The following DISC1 variants were observed in gnomAD, a reference collection of about 807,000 sequenced individuals.
DISC1 encodes the protein disrupted in schizophrenia 1 protein.
A neutral mutation model predicts 84.5 loss-of-function variants in DISC1; 57 were observed. The observed-to-expected ratio is 0.67, with a 90% CI of 0.55 to 0.84. The LOEUF (loss-of-function observed/expected upper bound fraction) is 0.84, where lower values mean the gene tolerates loss of function less well. Among genes scored for constraint, DISC1 ranks in the 40% least tolerant of loss-of-function variants. The probability of loss-of-function intolerance (pLI) is 0.00; values close to 1 mark genes in which losing one functional copy is unlikely to be tolerated. For missense variants in DISC1, 1,000 were observed against 1,057.8 expected, an observed-to-expected ratio of 0.95 and a Z score of 0.76; for synonymous variants, 411 against 415.2, an observed-to-expected ratio of 0.99 and a Z score of 0.12.
intron 12 of DISC1, among the ~76,000 whole-genome samples, chr1:232,028,439 C>T (rs754612192): frequency 6.6e-6 from 1 of 152,034 alleles, no homozygotes; most frequent in Non-Finnish European, 1.5e-5. Context: ...GCTGGGGAGG[C>T]AGCTCTAGTA....
chr1:231,979,432 G>A (rs114790377), intron 10 of DISC1, among the ~76,000 whole-genome samples: 19 of 151,766 alleles, frequency 1.3e-4, no homozygotes, highest in South Asian at 2.1e-4. Flanking sequence ...ATCATTAGTC[G>A]AATCTAGAAA....
chr1:231,868,651 A>T (rs896923569), intron 9 of DISC1, among the ~76,000 whole-genome samples: 13 of 147,870 alleles, frequency 8.8e-5, no homozygotes, highest in African/African-American at 2.7e-4. Flanking sequence ...TGAGGCTAGG[A>T]GTTCAAGACC....
At chr1:231,860,396 A>ATCCAAAC (rs1341930938) in intron 9 of DISC1, among the ~76,000 whole-genome samples, 1 of 152,138 alleles carries the variant, frequency 6.6e-6, no homozygotes, top group Non-Finnish European at 1.5e-5. Context: ...AAAATCCAAA[A>ATCCAAAC]TCCAAAATCC....
At chr1:232,023,214 C>A (rs1221728364) in intron 11 of DISC1, among the ~76,000 whole-genome samples, 2 of 152,050 alleles carry the variant, frequency 1.3e-5, no homozygotes, top group Non-Finnish European at 2.9e-5. Context: ...GATGCTTTGC[C>A]TATTTGAGTT....
rs147985327 is a variant in DISC1 at position 231,687,210 on chromosome 1, C to T, written c.68-6616C>T. ...ATTTTTGGGTATCTTTTCAGGAATG[C>T]CCCACTCTACTGGTACCAATTTACT... On this transcript the variant is annotated intron_variant, in intron 1 of 12. Coordinates refer to ENST00000439617, the MANE Select transcript of DISC1 (RefSeq NM_018662.3). Among the ~76,000 whole-genome samples, 399 of 152,288 alleles carry T rather than the reference C, an allele frequency of 2.6e-3. 3 individuals carry two copies. The highest frequency in any genetic ancestry group is 8.7e-3 in the African/African-American group (361 of 41,550).
chr1:232,035,872 C>T (rs1322750986), intron 12 of DISC1, among the ~76,000 whole-genome samples: 8 of 152,140 alleles, frequency 5.3e-5, no homozygotes, highest in African/African-American at 1.2e-4. Context: ...GACGAGAACC[C>T]GTTTCTTAAG....
intron 1 of DISC1, among the ~76,000 whole-genome samples, chr1:231,632,854 T>A (rs928227525): frequency 6.6e-6 from 1 of 152,172 alleles, no homozygotes; most frequent in Non-Finnish European, 1.5e-5. Flanking sequence ...GCAGATGACC[T>A]GAGGTCAGGA....
At chr1:231,874,006 C>T (rs1284512342) in intron 9 of DISC1, among the ~76,000 whole-genome samples, 3 of 151,922 alleles carry the variant, frequency 2.0e-5, no homozygotes, top group African/African-American at 7.3e-5. Context: ...CACCACCACG[C>T]CCAGCTATTT....
rs1339126092 is a variant in DISC1 at position 232,009,453 on chromosome 1, GA to G, written c.2307+405del. On this transcript the variant is annotated intron_variant, in intron 11 of 12. Coordinates refer to ENST00000439617, the MANE Select transcript of DISC1 (RefSeq NM_018662.3). The surrounding 1 kb of genome is among the most constrained non-coding windows in gnomAD (Gnocchi z 4.6). Reference sequence around the variant, plus strand: ...ACATTATGTATTGTATGTCATATATGATGTTTATATATTTAGAATCTATATA... The same window carrying G: ...ACATTATGTATTGTATGTCATATATGTGTTTATATATTTAGAATCTATATA... 1.9e-5 allele frequency: 10 copies of G among 524,544 alleles called. No individual in the cohort carries two copies. In the African/African-American group the frequency reaches 1.9e-4, roughly 10 times the overall value. 32.5% of individuals were successfully genotyped at this position (524,544 alleles called of 1,614,324 possible).
rs12123791 is a variant in DISC1 at position 231,715,620 on chromosome 1, C to G, written c.1117+13596C>G. On this transcript the variant is annotated intron_variant, in intron 3 of 12. Coordinates refer to ENST00000439617, the MANE Select transcript of DISC1 (RefSeq NM_018662.3). Reference sequence around the variant, plus strand: ...ATATATACTCTGGGACTGATTGGACCACATTTTCTCACTGAATTGACTGAT... The same window carrying G: ...ATATATACTCTGGGACTGATTGGACGACATTTTCTCACTGAATTGACTGAT... Among the ~76,000 whole-genome samples, 286 of 152,266 alleles carry G rather than the reference C, an allele frequency of 1.9e-3. 3 individuals are homozygous for G. The highest frequency in any genetic ancestry group is 1.4e-3 in the Non-Finnish European group (93 of 68,020).
chr1:231,975,520 T>C (rs1265274797), intron 10 of DISC1, among the ~76,000 whole-genome samples: 1 of 152,222 alleles, frequency 6.6e-6, no homozygotes, highest in East Asian at 1.9e-4. Context: ...CCTGCACTTG[T>C]ATGTTTATCA....
chr1:231,775,434 C>T (rs1339405047), intron 6 of DISC1, among the ~76,000 whole-genome samples: 4 of 151,962 alleles, frequency 2.6e-5, no homozygotes, highest in African/African-American at 4.8e-5. Flanking sequence ...TCAAGGACAC[C>T]CAGTGATTTT....
At chr1:231,789,934 T>G (rs1288917541) in intron 6 of DISC1, among the ~76,000 whole-genome samples, 1 of 152,166 alleles carries the variant, frequency 6.6e-6, no homozygotes, top group Non-Finnish European at 1.5e-5. Context: ...TCATAATCCG[T>G]AATCATTTTT....
rs1200945250 is a variant in DISC1, at chr1:231,675,629, T to C, written c.68-18197T>C. Reference sequence around the variant, plus strand: ...TACCACTGGGCCGCATCCTTAAAGATGGTGCTGTGAGGGACAGCCATGGAG... The same window carrying C: ...TACCACTGGGCCGCATCCTTAAAGACGGTGCTGTGAGGGACAGCCATGGAG... On this transcript the variant is annotated intron_variant, in intron 1 of 12. Transcript: ENST00000439617. The surrounding 1 kb of genome is among the most constrained non-coding windows in gnomAD (Gnocchi z 4.1). Among the ~76,000 whole-genome samples the C allele has an allele frequency of 2.0e-5, 3 of 152,128 alleles. No individual in the cohort carries two copies. Among genetic ancestry groups the C allele is most frequent in the African/African-American group, 7.2e-5 (3 of 41,432 alleles).
chr1:231,715,724 C>T (rs2068610982), intron 3 of DISC1, among the ~76,000 whole-genome samples: 1 of 152,184 alleles, frequency 6.6e-6, no homozygotes, highest in Admixed American at 6.5e-5. Flanking sequence ...CTTAATCAGC[C>T]TGGGATAGTC....
intron 1 of DISC1, among the ~76,000 whole-genome samples, chr1:231,658,036 T>C (rs998545393): frequency 1.3e-5 from 2 of 152,230 alleles, no homozygotes; most frequent in African/African-American, 2.4e-5. Flanking sequence ...GGTAGTTTAA[T>C]GGGAATAGCA....
At chr1:231,934,096 G>C (rs927058458) in intron 9 of DISC1, among the ~76,000 whole-genome samples, 6 of 152,174 alleles carry the variant, frequency 3.9e-5, no homozygotes, top group Admixed American at 1.3e-4. Flanking sequence ...AAGGGCAGAG[G>C]GAGTCAACAA....
intron 1 of DISC1, among the ~76,000 whole-genome samples, chr1:231,656,923 C>T (rs1029227891): frequency 4.6e-5 from 7 of 152,148 alleles, no homozygotes; most frequent in African/African-American, 1.7e-4. Context: ...AGGATAATGG[C>T]TTCCAACTCC....
chr1:231,953,637 C>G (rs911901137), intron 9 of DISC1, among the ~76,000 whole-genome samples: 2 of 152,156 alleles, frequency 1.3e-5, no homozygotes, highest in Non-Finnish European at 2.9e-5. Context: ...TTAATTTTAT[C>G]TAAATTGATT....
Sources: gnomAD v4.1 joint callset for allele counts (sites outside exome capture counted in the v4.1 genomes callset) on GRCh38, gnomAD v4.1.1 for gene constraint, Gnocchi (gnomAD v3.1) non-coding constraint, MANE v1.5 for transcripts, NCBI Gene and HGNC (gene_info 2026-07-23, HGNC 2026-07-21) for gene names.